The following STAG1 variants were observed in gnomAD, a reference collection of about 807,000 sequenced individuals.
STAG1 encodes STAG1 cohesin complex component.
A neutral mutation model predicts 170.9 loss-of-function variants in STAG1; 26 were observed. That is an observed-to-expected ratio of 0.15 (90% CI 0.11 to 0.21). STAG1 has a LOEUF of 0.21. STAG1 is among the 10% of genes least tolerant of loss of function. The pLI, the probability that STAG1 is intolerant of heterozygous loss-of-function variation, is 1.00. For missense variants in STAG1, 964 were observed against 1,509.5 expected (o/e 0.64, Z 5.99); for synonymous variants, 514 against 497.7 (o/e 1.03, Z -0.44).
Position 136,615,424 on chromosome 3 carries a change from C to CAAAAA in STAG1, c.132+7717_132+7721dup, listed in dbSNP as rs35713077. ...GCCTGGGTGACAACAAGACTTTGTCCAAAAAAAAAAAAAAAAAAAAAAAAA... is the reference window on the plus strand; with the variant it reads ...GCCTGGGTGACAACAAGACTTTGTCCAAAAAAAAAAAAAAAAAAAAAAAAAAAAAA... On this transcript the variant is annotated intron_variant, in intron 3 of 33. Coordinates refer to ENST00000383202, the MANE Select transcript of STAG1 (RefSeq NM_005862.3). Among the ~76,000 whole-genome samples, 15 of 33,260 alleles carry CAAAAA rather than the reference C, an allele frequency of 4.5e-4. 3 individuals are homozygous for CAAAAA. Among genetic ancestry groups the CAAAAA allele is most frequent in the Non-Finnish European group, 6.6e-4 (12 of 18,238 alleles). The allele number at this position is 33,260 out of a possible 152,430, so 21.8% of individuals were successfully genotyped here. A position where few individuals can be genotyped will look rare whatever the true frequency, so the allele number is the denominator to read the frequency against.
intron 4 of STAG1, among the ~76,000 whole-genome samples, chr3:136,576,982 A>C (rs1937488642): frequency 6.6e-6 from 1 of 152,208 alleles, no homozygotes; most frequent in South Asian, 2.1e-4. Context: ...GCTCCTTGCC[A>C]AGGAAATGGA....
chr3:136,736,750 T>C, intron 1 of STAG1: 2 of 1,601,508 alleles, frequency 1.2e-6, no homozygotes, highest in Non-Finnish European at 1.7e-6. Flanking sequence ...CAGCAAAGAG[T>C]TTCATTGTCT....
At chr3:136,368,962 A>G in intron 24 of STAG1, 146 bp downstream of exon 24, 1 of 599,480 alleles carries the variant, frequency 1.7e-6, no homozygotes, top group Non-Finnish European at 2.6e-6. Context: ...AAGTGCTAGG[A>G]TTACTGGTGT....
chr3:136,359,696 A>G (rs1035613344), intron 26 of STAG1, among the ~76,000 whole-genome samples: 5 of 152,124 alleles, frequency 3.3e-5, no homozygotes, highest in Non-Finnish European at 7.3e-5. Flanking sequence ...TGCCCATCTA[A>G]TTTTTAGCAG....
rs112144027 is a variant in STAG1 at position 136,512,842 on chromosome 3, C to T, written c.676+8371G>A. Among the ~76,000 whole-genome samples, 28 of 152,210 alleles carry T rather than the reference C, an allele frequency of 1.8e-4. 1 individual carries two copies. Among genetic ancestry groups the T allele is most frequent in the African/African-American group, 6.7e-4 (28 of 41,550 alleles). On this transcript the variant is annotated intron_variant, in intron 7 of 33. Transcript: ENST00000383202. ...ATGCCAGAGGTGAACACACACACCC[C>T]TCTGCTATTGAGCTTTTTAGTATCT... is the stretch of plus-strand genomic sequence containing the variant.
At chr3:136,464,262 A>G (rs1017331225) in intron 13 of STAG1, among the ~76,000 whole-genome samples, 1 of 151,980 alleles carries the variant, frequency 6.6e-6, no homozygotes, top group Non-Finnish European at 1.5e-5. Flanking sequence ...TGTCTCTAAT[A>G]AAAACACAAA....
At chr3:136,722,841 G>A (rs916267784) in intron 1 of STAG1, among the ~76,000 whole-genome samples, 130 of 152,232 alleles carry the variant, frequency 8.5e-4, no homozygotes, top group African/African-American at 2.8e-3. Context: ...GCAGGCGCGC[G>A]CCACCACGCC....
intron 1 of STAG1, among the ~76,000 whole-genome samples, chr3:136,751,181 T>G (rs945559053): frequency 2.2e-4 from 32 of 147,432 alleles, no homozygotes; most frequent in Non-Finnish European, 2.8e-4. Flanking sequence ...CGTTTTTTTT[T>G]TTTGTTTTTT....
At chr3:136,672,402 C>G (rs893475477) in intron 1 of STAG1, among the ~76,000 whole-genome samples, 1 of 152,088 alleles carries the variant, frequency 6.6e-6, no homozygotes, top group Non-Finnish European at 1.5e-5. Context: ...ACCCTTGACC[C>G]CAAAGGCAAA....
chr3:136,592,833 G>A (rs1439448451), intron 4 of STAG1, among the ~76,000 whole-genome samples: 2 of 152,184 alleles, frequency 1.3e-5, no homozygotes, highest in Non-Finnish European at 2.9e-5. Flanking sequence ...CTCAAAATAG[G>A]CAGGGCAAAG....
intron 1 of STAG1, among the ~76,000 whole-genome samples, chr3:136,743,907 T>C (rs1173260285): frequency 6.6e-6 from 1 of 152,230 alleles, no homozygotes; most frequent in Non-Finnish European, 1.5e-5. Context: ...ACCAAAATTA[T>C]TTTAACTTTT....
intron 21 of STAG1, among the ~76,000 whole-genome samples, chr3:136,411,129 T>TG (rs1355781283): frequency 6.6e-6 from 1 of 152,214 alleles, no homozygotes; most frequent in African/African-American, 2.4e-5. Context: ...TAGTGATACA[T>TG]GATTATACTT....
At chr3:136,540,317 A>G (rs1935828789) in intron 6 of STAG1, among the ~76,000 whole-genome samples, 1 of 151,252 alleles carries the variant, frequency 6.6e-6, no homozygotes, top group Non-Finnish European at 1.5e-5. Flanking sequence ...TTACTTTACT[A>G]TCAAACAAAA....
At chr3:136,730,133 A>G (rs1318316083) in intron 1 of STAG1, among the ~76,000 whole-genome samples, 1 of 151,908 alleles carries the variant, frequency 6.6e-6, no homozygotes, top group Non-Finnish European at 1.5e-5. Context: ...GGCTCAGGCA[A>G]TCCTCCCACC....
chr3:136,602,990 C>T (rs1241766155), intron 4 of STAG1, among the ~76,000 whole-genome samples: 1 of 152,076 alleles, frequency 6.6e-6, no homozygotes, highest in Non-Finnish European at 1.5e-5. Flanking sequence ...AGCATCATCC[C>T]ACTAATCCAC....
chr3:136,736,491 G>A, intron 1 of STAG1: 2 of 1,341,676 alleles, frequency 1.5e-6, no homozygotes, highest in South Asian at 2.3e-5. Context: ...GACCCCGGGT[G>A]GTCATTCACG....
intron 21 of STAG1, among the ~76,000 whole-genome samples, chr3:136,410,539 G>C (rs1484688729): frequency 1.3e-5 from 2 of 152,192 alleles, no homozygotes; most frequent in African/African-American, 2.4e-5. Context: ...ACTTGGATTT[G>C]AGTGGGTGCG....
At chr3:136,528,153 G>A (rs759297891) in intron 6 of STAG1, among the ~76,000 whole-genome samples, 20 of 152,272 alleles carry the variant, frequency 1.3e-4, no homozygotes, top group East Asian at 5.8e-4. Context: ...TTTCTGCTGC[G>A]TTTTGTTCAG....
intron 22 of STAG1, among the ~76,000 whole-genome samples, chr3:136,388,329 A>C (rs917268924): frequency 3.9e-5 from 6 of 152,140 alleles, no homozygotes; most frequent in Non-Finnish European, 5.9e-5. Context: ...TCCAACACAC[A>C]CACAAAATGC....
Sources: gnomAD v4.1 joint callset for allele counts (sites outside exome capture counted in the v4.1 genomes callset) on GRCh38, gnomAD v4.1.1 for gene constraint, MANE v1.5 for transcripts, NCBI Gene and HGNC (gene_info 2026-07-23, HGNC 2026-07-21) for gene names.